FARS2: variants seen among roughly 807,000 people sequenced by gnomAD.
FARS2 encodes the protein phenylalanyl-tRNA synthetase 2, mitochondrial, also known as phenylalanine--tRNA ligase, mitochondrial.
A neutral mutation model predicts 46.4 loss-of-function variants in FARS2; 40 were observed. The observed-to-expected ratio is 0.86, with a 90% CI of 0.67 to 1.12. The LOEUF (loss-of-function observed/expected upper bound fraction) is 1.12. Among genes scored for constraint, FARS2 ranks in the 50% most tolerant of loss-of-function variants. The probability of loss-of-function intolerance (pLI) is 0.00; values close to 1 mark genes in which losing one functional copy is unlikely to be tolerated. For synonymous variants in FARS2, 234 were observed against 214.9 expected (o/e 1.09, Z -0.78); for missense variants, 513 against 567.9 (o/e 0.90, Z 0.98).
At chr6:5,740,305 A>G (rs1314541200) in intron 6 of FARS2, among the ~76,000 whole-genome samples, 6 of 152,152 alleles carry the variant, frequency 3.9e-5, no homozygotes, top group Non-Finnish European at 5.9e-5. Flanking sequence ...AAAAGTAAGG[A>G]AACTATTCGA....
At chr6:5,406,917 G>T (rs1761633788) in intron 3 of FARS2, among the ~76,000 whole-genome samples, 1 of 151,454 alleles carries the variant, frequency 6.6e-6, no homozygotes, top group Admixed American at 6.6e-5. Flanking sequence ...CATTTTAATT[G>T]TAGCCATTCT....
rs553976973 is a variant in FARS2, at chr6:5,334,294, C to T, written c.-21-34256C>T. 7.2e-5 allele frequency among the ~76,000 whole-genome samples: 11 copies of T among 152,312 alleles called. No homozygotes were observed. The South Asian group carries it at 1.9e-3, about 26-fold the overall frequency. On this transcript the variant is annotated intron_variant, in intron 1 of 6. Coordinates refer to ENST00000274680, the MANE Select transcript of FARS2 (RefSeq NM_006567.5). The stretch of plus-strand genomic sequence containing the variant: ...GTTGATGGGAGTCCTAACTGGCGCA[C>T]TCCCTCTTAGGAGATCCATTTGGCC...
At chr6:5,744,673 A>G (rs548743794) in intron 6 of FARS2, among the ~76,000 whole-genome samples, 9 of 152,300 alleles carry the variant, frequency 5.9e-5, no homozygotes. Flanking sequence ...TCTGCCCTTG[A>G]GCCAAAATGG....
Position 5,431,188 on chromosome 6 carries a change from A to G in FARS2, c.904+16A>G, listed in dbSNP as rs767156316. On this transcript the variant is annotated intron_variant, in intron 4 of 6. Coordinates refer to ENST00000274680, the MANE Select transcript of FARS2 (RefSeq NM_006567.5). Reference sequence around the variant, plus strand: ...GTCAATTCAGGTAAAAAAGAATCCCACATTTTATTTACACGTGCTCTAAAG... The same window carrying G: ...GTCAATTCAGGTAAAAAAGAATCCCGCATTTTATTTACACGTGCTCTAAAG... 1 of 1,613,012 alleles carries G rather than the reference A, an allele frequency of 6.2e-7. No homozygotes were observed. The highest frequency in any genetic ancestry group is 1.1e-5 in the South Asian group (1 of 90,996).
In FARS2 at chr6:5,526,778, A is replaced by G. The variant is rs548320028; in HGVS notation, c.905-18402A>G. ...ATTACAGGTGCCCACCCCTACACCC[A>G]GTTAATTTTTGTGTATTTAGTAGAG... On this transcript the variant is annotated intron_variant, in intron 4 of 6. Transcript: ENST00000274680. 6.6e-5 allele frequency among the ~76,000 whole-genome samples: 10 copies of G among 151,924 alleles called. No individual in the cohort carries two copies. In the South Asian group the frequency reaches 2.1e-3, roughly 32 times the overall value.
At chr6:5,696,924 T>A (rs543581686) in intron 6 of FARS2, among the ~76,000 whole-genome samples, 1 of 152,368 alleles carries the variant, frequency 6.6e-6, no homozygotes, top group South Asian at 2.1e-4. Flanking sequence ...AGTGACTTAA[T>A]AAGCAGTAAA....
At chr6:5,468,328 T>C (rs940716039) in intron 4 of FARS2, among the ~76,000 whole-genome samples, 2 of 150,206 alleles carry the variant, frequency 1.3e-5, no homozygotes, top group Non-Finnish European at 3.0e-5. Context: ...GCCAATTAGA[T>C]ATTTTTTCCC....
At chr6:5,613,395 A>G (rs1775296114) in intron 6 of FARS2, 75 bp downstream of exon 6, 10 of 1,414,900 alleles carry the variant, frequency 7.1e-6, no homozygotes, top group South Asian at 2.6e-5. Flanking sequence ...ATATCATAAA[A>G]TTTGCTGAAA....
chr6:5,597,984 C>T (rs913358132), intron 5 of FARS2, among the ~76,000 whole-genome samples: 2 of 152,108 alleles, frequency 1.3e-5, no homozygotes, highest in African/African-American at 4.8e-5. Flanking sequence ...GCCACCGGAC[C>T]TGTGATCAAT....
At chr6:5,518,474 A>T (rs1768944830) in intron 4 of FARS2, among the ~76,000 whole-genome samples, 1 of 152,200 alleles carries the variant, frequency 6.6e-6, no homozygotes, top group South Asian at 2.1e-4. Flanking sequence ...ATATGTCTGG[A>T]AGTGATCAGG....
chr6:5,554,164 C>T (rs936746614), intron 5 of FARS2, among the ~76,000 whole-genome samples: 2 of 152,058 alleles, frequency 1.3e-5, no homozygotes, highest in Non-Finnish European at 2.9e-5. Context: ...TTCCTTTCTC[C>T]CTTGTATTTT....
intron 1 of FARS2, among the ~76,000 whole-genome samples, chr6:5,328,571 C>G (rs967010337): frequency 6.6e-6 from 1 of 152,022 alleles, no homozygotes; most frequent in Non-Finnish European, 1.5e-5. Context: ...AAGCTGATCC[C>G]TCTGGTCCAT....
intron 6 of FARS2, among the ~76,000 whole-genome samples, chr6:5,650,745 G>A (rs1582671755): frequency 6.6e-6 from 1 of 152,236 alleles, no homozygotes; most frequent in East Asian, 1.9e-4. Context: ...CCAAAGTGCT[G>A]GGATTACAGG....
At chr6:5,710,588 G>A (rs758093443) in intron 6 of FARS2, among the ~76,000 whole-genome samples, 1 of 152,216 alleles carries the variant, frequency 6.6e-6, no homozygotes, top group Non-Finnish European at 1.5e-5. Flanking sequence ...GCCACAGCAC[G>A]GGGAGGGGAC....
chr6:5,716,023 C>G (rs929245559), intron 6 of FARS2, among the ~76,000 whole-genome samples: 7 of 152,126 alleles, frequency 4.6e-5, no homozygotes, highest in Non-Finnish European at 1.0e-4. Flanking sequence ...CAAAGTGTTA[C>G]CTCATTCTAA....
intron 1 of FARS2, among the ~76,000 whole-genome samples, chr6:5,276,615 G>A (rs577939472): frequency 2.0e-5 from 3 of 152,196 alleles, no homozygotes; most frequent in African/African-American, 4.8e-5. Context: ...TATTCTTTAC[G>A]GAATGGCTGC....
chr6:5,646,251 G>A lies in FARS2; in HGVS notation c.1217+32931G>A, dbSNP rs183989805. On this transcript the variant is annotated intron_variant, in intron 6 of 6. Transcript: ENST00000274680. ...CCCATGGCCTCTCACTGTTTTCCGAGTATATCTAATGCTGCTCTAATATCC... is the reference window on the plus strand; with the variant it reads ...CCCATGGCCTCTCACTGTTTTCCGAATATATCTAATGCTGCTCTAATATCC... Among the ~76,000 whole-genome samples the A allele has an allele frequency of 3.7e-4, 57 of 152,296 alleles. 2 individuals are homozygous for A. The highest frequency in any genetic ancestry group is 5.9e-5 in the Non-Finnish European group (4 of 68,022).
intron 5 of FARS2, among the ~76,000 whole-genome samples, chr6:5,578,485 G>T (rs1240284446): frequency 6.6e-6 from 1 of 151,898 alleles, no homozygotes; most frequent in Non-Finnish European, 1.5e-5. Context: ...TTTTTTTAAC[G>T]TTATTTTCAA....
At chr6:5,307,155 T>C (rs1405926823) in intron 1 of FARS2, among the ~76,000 whole-genome samples, 2 of 152,224 alleles carry the variant, frequency 1.3e-5, no homozygotes, top group Non-Finnish European at 2.9e-5. Context: ...CATTTTCCAT[T>C]GAGGGGCATT....
Sources: gnomAD v4.1 joint callset for allele counts (sites outside exome capture counted in the v4.1 genomes callset) on GRCh38, gnomAD v4.1.1 for gene constraint, MANE v1.5 for transcripts, NCBI Gene and HGNC (gene_info 2026-07-23, HGNC 2026-07-21) for gene names.